Variants in THSD4 observed in about 807,000 individuals in gnomAD.
The protein encoded by THSD4 is thrombospondin type 1 domain containing 4.
A neutral mutation model predicts 119.0 loss-of-function variants in THSD4; 69 were observed. That is an observed-to-expected ratio of 0.58 (90% CI 0.48 to 0.71). The LOEUF (loss-of-function observed/expected upper bound fraction) is 0.71. Ranked by LOEUF, THSD4 falls within the 30% of genes least tolerant of loss-of-function variation. THSD4 has a pLI of 0.00. For missense variants in THSD4, 1,393 were observed against 1,391.1 expected (o/e 1.00, Z -0.02); for synonymous variants, 524 against 540.4 (o/e 0.97, Z 0.42).
intron 7 of THSD4, among the ~76,000 whole-genome samples, chr15:71,467,845 G>GTTTTTT (rs34603517): frequency 7.0e-6 from 1 of 143,684 alleles, no homozygotes; most frequent in Non-Finnish European, 1.5e-5. Flanking sequence ...AGATATGATG[G>GTTTTTT]TTTTTTTTTT....
At chr15:71,485,072 A>T (rs1408176183) in intron 7 of THSD4, among the ~76,000 whole-genome samples, 1 of 152,080 alleles carries the variant, frequency 6.6e-6, no homozygotes, top group Admixed American at 6.6e-5. Context: ...GTGTTTCCAG[A>T]TTTGGAAGAA....
intron 6 of THSD4, among the ~76,000 whole-genome samples, chr15:71,307,862 G>T (rs541583042): frequency 6.6e-6 from 1 of 152,332 alleles, no homozygotes; most frequent in East Asian, 1.9e-4. Context: ...AAGGCATATG[G>T]AGCCAAGTCC....
intron 6 of THSD4, among the ~76,000 whole-genome samples, chr15:71,270,401 C>T (rs1449727477): frequency 6.6e-6 from 1 of 152,164 alleles, no homozygotes; most frequent in Non-Finnish European, 1.5e-5. Context: ...TAGCCATATG[C>T]AGAAAACAGA....
chr15:71,333,125 C>G (rs911398026), intron 6 of THSD4, among the ~76,000 whole-genome samples: 1 of 151,802 alleles, frequency 6.6e-6, no homozygotes, highest in African/African-American at 2.4e-5. Flanking sequence ...AGGACATCTT[C>G]CCTTTTTGCT....
intron 7 of THSD4, among the ~76,000 whole-genome samples, chr15:71,560,452 T>A (rs945738680): frequency 6.6e-6 from 1 of 152,190 alleles, no homozygotes; most frequent in Non-Finnish European, 1.5e-5. Context: ...GGCTAAGATA[T>A]AAATTACTCT....
chr15:71,293,796 T>A (rs947257052), intron 6 of THSD4, among the ~76,000 whole-genome samples: 1 of 151,928 alleles, frequency 6.6e-6, no homozygotes, highest in African/African-American at 2.4e-5. Context: ...TTTAGTAGGG[T>A]TTTGGAAGGG....
intron 4 of THSD4, among the ~76,000 whole-genome samples, chr15:71,240,847 A>C (rs927056997): frequency 1.3e-5 from 2 of 152,018 alleles, no homozygotes; most frequent in Non-Finnish European, 2.9e-5. Context: ...ACATATATAC[A>C]TATATATGAC....
intron 6 of THSD4, among the ~76,000 whole-genome samples, chr15:71,402,166 G>A (rs1056175089): frequency 4.0e-5 from 6 of 151,692 alleles, no homozygotes; most frequent in African/African-American, 1.5e-4. Context: ...ACAAGTTAAT[G>A]GGTGCAGCAC....
rs116275975 is a variant in THSD4 at position 71,415,415 on chromosome 15, G to A, written c.1152+3592G>A. 2.1e-3 allele frequency among the ~76,000 whole-genome samples: 322 copies of A among 152,122 alleles called. 3 individuals carry two copies. The highest frequency in any genetic ancestry group is 7.3e-3 in the African/African-American group (303 of 41,508). On this transcript the variant is annotated intron_variant, in intron 7 of 17. Coordinates refer to ENST00000261862, the MANE Select transcript of THSD4 (RefSeq NM_024817.3). ...AAAATTCTTAATTTGTCATTTTTGT[G>A]GGCACATAATATATATTTATAGAGT...
At chr15:71,456,604 A>T (rs2047343892) in intron 7 of THSD4, among the ~76,000 whole-genome samples, 2 of 152,120 alleles carry the variant, frequency 1.3e-5, no homozygotes, top group Admixed American at 1.3e-4. Context: ...CTGAGTCAGG[A>T]ATCAGACCTC....
intron 8 of THSD4, among the ~76,000 whole-genome samples, chr15:71,685,365 G>A (rs373923757): frequency 1.1e-4 from 17 of 151,606 alleles, no homozygotes; most frequent in African/African-American, 2.7e-4. Context: ...GAATTTATTC[G>A]TTAATATTTA....
chr15:71,617,120 A>C (rs2050331927), intron 7 of THSD4, among the ~76,000 whole-genome samples: 1 of 152,198 alleles, frequency 6.6e-6, no homozygotes, highest in Non-Finnish European at 1.5e-5. Flanking sequence ...ATGTCCTCAG[A>C]AGCTTAGAGT....
intron 7 of THSD4, among the ~76,000 whole-genome samples, chr15:71,464,267 A>G (rs1021210546): frequency 2.0e-5 from 3 of 152,190 alleles, no homozygotes; most frequent in African/African-American, 7.2e-5. Context: ...CAGAACCTTC[A>G]TGGCAGAGTG....
At chr15:71,629,350 T>C (rs1428395280) in intron 7 of THSD4, among the ~76,000 whole-genome samples, 4 of 152,084 alleles carry the variant, frequency 2.6e-5, no homozygotes, top group African/African-American at 4.8e-5. Context: ...GGCCAGACAG[T>C]AGAGGAGACC....
chr15:71,238,067 G>A lies in THSD4; in HGVS notation c.465-4582G>A, dbSNP rs8043298. Among the ~76,000 whole-genome samples the A allele has an allele frequency of 9.3e-3, 1,417 of 152,118 alleles. 24 individuals are homozygous for A. The highest frequency in any genetic ancestry group is 0.032 in the African/African-American group (1,343 of 41,494). ...CCCTACTTTATGGTGGTGTGGGGGC[G>A]GGGTGGGGGTGTTCCATGTACTTAC... On this transcript the variant is annotated intron_variant, in intron 4 of 17. Coordinates refer to ENST00000261862, the MANE Select transcript of THSD4 (RefSeq NM_024817.3).
At position 71,635,938 on chromosome 15, in the gene THSD4, C is replaced by T. The variant is rs192870665; in HGVS notation, c.1153-24592C>T. 1.8e-4 allele frequency among the ~76,000 whole-genome samples: 28 copies of T among 152,298 alleles called. No homozygotes were observed. In the East Asian group the frequency reaches 2.5e-3, roughly 14 times the overall value. ...CTTAAGCAATTTTCCCAAGGTCACC[C>T]AGCTGGTAGATGGCAGGGTCAGGAC... On this transcript the variant is annotated intron_variant, in intron 7 of 17. Coordinates refer to ENST00000261862, the MANE Select transcript of THSD4 (RefSeq NM_024817.3).
intron 1 of THSD4, among the ~76,000 whole-genome samples, chr15:71,132,420 A>C (rs2040511961): frequency 6.6e-6 from 1 of 152,256 alleles, no homozygotes; most frequent in African/African-American, 2.4e-5. Context: ...AATAGAATAC[A>C]AAGCTACATG....
intron 6 of THSD4, among the ~76,000 whole-genome samples, chr15:71,375,709 C>T (rs1307062871): frequency 2.0e-5 from 3 of 152,126 alleles, no homozygotes; most frequent in Admixed American, 6.5e-5. Flanking sequence ...TTATCTAGTG[C>T]AGTGGTTCTC....
chr15:71,447,077 A>G (rs1180043772), intron 7 of THSD4, among the ~76,000 whole-genome samples: 3 of 150,358 alleles, frequency 2.0e-5, no homozygotes, highest in African/African-American at 2.5e-5. Flanking sequence ...GGGTTTGCAA[A>G]CAACAGTGTC....
Sources: gnomAD v4.1 joint callset for allele counts (sites outside exome capture counted in the v4.1 genomes callset) on GRCh38, gnomAD v4.1.1 for gene constraint, MANE v1.5 for transcripts, NCBI Gene and HGNC (gene_info 2026-07-23, HGNC 2026-07-21) for gene names.